COX7B2: variants seen among roughly 807,000 people sequenced by gnomAD.
COX7B2 encodes cytochrome c oxidase subunit 7B2, mitochondrial.
For synonymous variants in COX7B2, 37 were observed against 32.1 expected (o/e 1.15, Z -0.51); for missense variants, 109 against 95.9 (o/e 1.14, Z -0.57).
rs191919800 is a variant in COX7B2, at chr4:46,744,120, T to C, written c.-49-8879A>G. On this transcript the variant is annotated intron_variant, in intron 2 of 2. Transcript: ENST00000355591. Reference sequence around the variant, plus strand: ...CAATGGTCCCATAGTTTTTTTTTTGTATAAACATAGAAAATTGACCCTTCT... The same window carrying C: ...CAATGGTCCCATAGTTTTTTTTTTGCATAAACATAGAAAATTGACCCTTCT... 3.0e-3 allele frequency among the ~76,000 whole-genome samples: 451 copies of C among 152,178 alleles called. 2 individuals carry two copies. Among genetic ancestry groups the C allele is most frequent in the Non-Finnish European group, 4.0e-3 (274 of 68,002 alleles).
At chr4:46,874,400 T>C (rs1359918944) in intron 1 of COX7B2, among the ~76,000 whole-genome samples, 4 of 152,206 alleles carry the variant, frequency 2.6e-5, no homozygotes, top group Non-Finnish European at 5.9e-5. Flanking sequence ...GAGTAGAATT[T>C]CACCTCTGAA....
At position 46,790,362 on chromosome 4, in the gene COX7B2, GA is replaced by G. The variant is rs139425029; in HGVS notation, c.-50+54597del. On this transcript the variant is annotated intron_variant, in intron 2 of 2. Transcript: ENST00000355591. ...ATAGCTCCTGAAGACCCAGACTCCTGAATCTTTTATTCACTCATACATACAT... is the reference window on the plus strand; with the variant it reads ...ATAGCTCCTGAAGACCCAGACTCCTGATCTTTTATTCACTCATACATACAT... Among the ~76,000 whole-genome samples, 14 of 152,264 alleles carry G rather than the reference GA, an allele frequency of 9.2e-5. No homozygotes were observed. The East Asian group carries it at 2.5e-3, about 27-fold the overall frequency.
At chr4:46,899,474 G>GA (rs1421015317) in intron 1 of COX7B2, among the ~76,000 whole-genome samples, 3 of 152,086 alleles carry the variant, frequency 2.0e-5, no homozygotes, top group African/African-American at 7.2e-5. Context: ...AACCCTAAGA[G>GA]AAAATCTAAA....
chr4:46,840,631 T>A (rs1169768245), intron 2 of COX7B2, among the ~76,000 whole-genome samples: 1 of 152,088 alleles, frequency 6.6e-6, no homozygotes, highest in Admixed American at 6.6e-5. Context: ...GGACTTCTAA[T>A]ACAACGTCTT....
rs1006800475 is a variant in COX7B2 at position 46,762,659 on chromosome 4, C to A, written c.-49-27418G>T. 4.0e-5 allele frequency among the ~76,000 whole-genome samples: 6 copies of A among 148,848 alleles called. No homozygotes were observed. The Admixed American group carries it at 4.1e-4, about 10-fold the overall frequency. On this transcript the variant is annotated intron_variant, in intron 2 of 2. Coordinates refer to ENST00000355591, the MANE Select transcript of COX7B2 (RefSeq NM_130902.3). ...GGATATTTGAGCGTATTGTCCATGA[C>A]CAATGTATATTATTATTTTCTTCTC...
chr4:46,785,432 G>C (rs1717701843), intron 2 of COX7B2, among the ~76,000 whole-genome samples: 1 of 150,098 alleles, frequency 6.7e-6, no homozygotes, highest in African/African-American at 2.5e-5. Context: ...GGAGTGCAGT[G>C]GCACAATCTC....
chr4:46,817,298 A>C (rs919577728), intron 2 of COX7B2, among the ~76,000 whole-genome samples: 5 of 152,218 alleles, frequency 3.3e-5, no homozygotes, highest in African/African-American at 7.2e-5. Flanking sequence ...TTTTTCCATT[A>C]TAATAACAAT....
intron 2 of COX7B2, among the ~76,000 whole-genome samples, chr4:46,739,800 G>A (rs1167389932): frequency 6.6e-6 from 1 of 151,948 alleles, no homozygotes; most frequent in Non-Finnish European, 1.5e-5. Flanking sequence ...AATAAGCATT[G>A]AAGCAACAAA....
intron 2 of COX7B2, among the ~76,000 whole-genome samples, chr4:46,806,653 C>T (rs1048965878): frequency 3.3e-5 from 5 of 151,960 alleles, no homozygotes; most frequent in African/African-American, 1.2e-4. Context: ...ACATATCTAC[C>T]ACTTTGTATC....
At chr4:46,811,702 C>T (rs1450230176) in intron 2 of COX7B2, among the ~76,000 whole-genome samples, 1 of 152,050 alleles carries the variant, frequency 6.6e-6, no homozygotes, top group Non-Finnish European at 1.5e-5. Context: ...ATTTCCTTGC[C>T]TTTTCATGTT....
intron 1 of COX7B2, among the ~76,000 whole-genome samples, chr4:46,848,458 C>A (rs1716440318): frequency 6.6e-6 from 1 of 151,972 alleles, no homozygotes; most frequent in Admixed American, 6.6e-5. Flanking sequence ...AATTTGGATG[C>A]AAACTTATGC....
intron 1 of COX7B2, among the ~76,000 whole-genome samples, chr4:46,871,618 G>A (rs972609545): frequency 6.6e-6 from 1 of 150,822 alleles, no homozygotes; most frequent in Non-Finnish European, 1.5e-5. Flanking sequence ...GCATCTATAA[G>A]GAGTTTAAAC....
At chr4:46,848,996 C>T (rs1029899563) in intron 1 of COX7B2, among the ~76,000 whole-genome samples, 30 of 152,002 alleles carry the variant, frequency 2.0e-4, no homozygotes, top group African/African-American at 7.2e-4. Flanking sequence ...TATGTAATTA[C>T]TGTGACACCA....
At chr4:46,840,488 G>C (rs1577641519) in intron 2 of COX7B2, among the ~76,000 whole-genome samples, 1 of 151,736 alleles carries the variant, frequency 6.6e-6, no homozygotes, top group Non-Finnish European at 1.5e-5. Flanking sequence ...TGCTGAGAGA[G>C]AGTCAATGTA....
intron 2 of COX7B2, among the ~76,000 whole-genome samples, chr4:46,811,596 G>C (rs1051790940): frequency 6.6e-6 from 1 of 151,910 alleles, no homozygotes; most frequent in African/African-American, 2.4e-5. Context: ...ATTTCCTTAA[G>C]ATCATTATTT....
intron 2 of COX7B2, among the ~76,000 whole-genome samples, chr4:46,766,474 T>C (rs954295612): frequency 1.3e-5 from 2 of 151,596 alleles, no homozygotes; most frequent in African/African-American, 4.8e-5. Context: ...CCAAGGCGGG[T>C]GGATCACTTG....
rs557265059 is a variant in COX7B2, at chr4:46,823,082, G to A, written c.-50+21878C>T. Among the ~76,000 whole-genome samples, 38 of 152,182 alleles carry A rather than the reference G, an allele frequency of 2.5e-4. 1 individual carries two copies. In the South Asian group the frequency reaches 6.7e-3, roughly 27 times the overall value. ...ATCCCCCAAGGGCCTACAGATATAG[G>A]TGTGTTCTGTTTTATAGCCTTTTGT... On this transcript the variant is annotated intron_variant, in intron 2 of 2. Transcript: ENST00000355591.
At chr4:46,851,303 T>A (rs1336397417) in intron 1 of COX7B2, among the ~76,000 whole-genome samples, 1 of 152,138 alleles carries the variant, frequency 6.6e-6, no homozygotes, top group Non-Finnish European at 1.5e-5. Context: ...CTTAGATATT[T>A]ATGAATTTCA....
intron 2 of COX7B2, among the ~76,000 whole-genome samples, chr4:46,748,926 T>C (rs998086737): frequency 6.6e-6 from 1 of 152,154 alleles, no homozygotes; most frequent in African/African-American, 2.4e-5. Flanking sequence ...CCACGTTATA[T>C]CTGCATATAT....
Sources: allele counts gnomAD v4.1 joint callset (sites outside exome capture counted in the v4.1 genomes callset), GRCh38; gene constraint gnomAD v4.1.1; transcripts MANE v1.5; gene names NCBI Gene and HGNC (gene_info 2026-07-23, HGNC 2026-07-21).